Variants in HOOK3 observed in about 807,000 individuals in gnomAD.
HOOK3 encodes the protein hook microtubule tethering protein 3, also known as protein Hook homolog 3.
HOOK3 carries 24 observed loss-of-function variants against 116.3 expected under a neutral mutation model. The ratio of observed to expected loss-of-function variants is 0.21; its 90% CI spans 0.15 to 0.29. The LOEUF (loss-of-function observed/expected upper bound fraction) is 0.29, where lower values mean the gene tolerates loss of function less well. Among genes scored for constraint, HOOK3 ranks in the 10% least tolerant of loss-of-function variants. The pLI is 1.00. For missense variants in HOOK3, 632 were observed against 830.2 expected (o/e 0.76, Z 2.93); for synonymous variants, 275 against 283.0 (o/e 0.97, Z 0.28).
chr8:43,008,582 G>A (rs1809538910), intron 18 of HOOK3, among the ~76,000 whole-genome samples: 1 of 151,952 alleles, frequency 6.6e-6, no homozygotes, highest in African/African-American at 2.4e-5. Context: ...GTCTCCCAAA[G>A]TACTGGGATT....
intron 13 of HOOK3, among the ~76,000 whole-genome samples, chr8:42,974,466 T>G (rs1808783187): frequency 6.6e-6 from 1 of 152,094 alleles, no homozygotes. Context: ...CTGGAACTCC[T>G]GACCTCAGGT....
Position 42,931,256 on chromosome 8 carries a change from CTT to C in HOOK3, c.267+1086_267+1087del, listed in dbSNP as rs553865627. On this transcript the variant is annotated intron_variant, in intron 4 of 21. Transcript: ENST00000307602. Reference sequence around the variant, plus strand: ...ACTTTCTGTTACCTCCTTACAGAGACTTTCTCTGAGCATGTGCTGTCTCAGCC... The same window carrying C: ...ACTTTCTGTTACCTCCTTACAGAGACTCTCTGAGCATGTGCTGTCTCAGCC... 3.3e-5 allele frequency among the ~76,000 whole-genome samples: 5 copies of C among 152,216 alleles called. No homozygotes were observed. In the South Asian group the frequency reaches 1.0e-3, roughly 32 times the overall value.
At chr8:42,965,961 A>G (rs959974615) in intron 9 of HOOK3, among the ~76,000 whole-genome samples, 5 of 152,180 alleles carry the variant, frequency 3.3e-5, no homozygotes, top group African/African-American at 1.2e-4. Context: ...GCTTCAGCCA[A>G]AAAACAACAT....
chr8:42,967,439 C>T (rs1808651333), intron 10 of HOOK3, among the ~76,000 whole-genome samples: 1 of 152,198 alleles, frequency 6.6e-6, no homozygotes, highest in Non-Finnish European at 1.5e-5. Flanking sequence ...GTTATTCTTC[C>T]TCCTGTTCAG....
At chr8:42,964,940 G>C (rs78365952) in intron 9 of HOOK3, among the ~76,000 whole-genome samples, 1 of 152,160 alleles carries the variant, frequency 6.6e-6, no homozygotes, top group African/African-American at 2.4e-5. Flanking sequence ...ACTACTTCAC[G>C]TCTAGGAAGT....
chr8:43,013,017 A>G (rs377062234), intron 19 of HOOK3, 34 bp from the exon 20 acceptor site: 32 of 1,309,008 alleles, frequency 2.4e-5, no homozygotes, highest in Non-Finnish European at 2.8e-5. Flanking sequence ...TAAGTTTGAG[A>G]CTTTTTAAAT....
At position 43,026,528 on chromosome 8, in the gene HOOK3, T is replaced by C. The variant is rs962869351; in HGVS notation, c.*8030T>C. ...TTAAGAAGACTCTTTTATAATGTAA[T>C]ACTTAGAAGCCAAATCCTTTCAAAC... On this transcript the variant is annotated 3_prime_UTR_variant, in exon 22 of 22. Coordinates refer to ENST00000307602, the MANE Select transcript of HOOK3 (RefSeq NM_032410.4). 1 of 211,902 alleles carries C rather than the reference T, an allele frequency of 4.7e-6. No homozygotes were observed. The highest frequency in any genetic ancestry group is 9.6e-6 in the Non-Finnish European group (1 of 104,698). The allele number at this position is 211,902 out of a possible 1,614,324, so 13.1% of individuals were successfully genotyped here.
At chr8:42,986,433 A>G (rs1287087419) in intron 14 of HOOK3, among the ~76,000 whole-genome samples, 1 of 152,184 alleles carries the variant, frequency 6.6e-6, no homozygotes, top group African/African-American at 2.4e-5. Flanking sequence ...ACAAATCATG[A>G]TATTTAGAGA....
chr8:43,024,844 A>C lies in HOOK3; in HGVS notation c.*6346A>C, dbSNP rs1189361089. 2 of 207,094 alleles carry C rather than the reference A, an allele frequency of 9.7e-6. No individual in the cohort carries two copies. Among genetic ancestry groups the C allele is most frequent in the Non-Finnish European group, 2.0e-5 (2 of 101,474 alleles). The allele number at this position is 207,094 out of a possible 1,614,324, so 12.8% of individuals were successfully genotyped here. On this transcript the variant is annotated 3_prime_UTR_variant, in exon 22 of 22. Coordinates refer to ENST00000307602, the MANE Select transcript of HOOK3 (RefSeq NM_032410.4). Reference sequence around the variant, plus strand: ...TCCACCCAATCCCTCAAATTACCGAAGTATTAATATTTAGCTTCCTTTCTA... The same window carrying C: ...TCCACCCAATCCCTCAAATTACCGACGTATTAATATTTAGCTTCCTTTCTA...
At chr8:42,957,546 T>C (rs1242820031) in intron 7 of HOOK3, among the ~76,000 whole-genome samples, 1 of 152,180 alleles carries the variant, frequency 6.6e-6, no homozygotes, top group East Asian at 1.9e-4. Context: ...TGTCATTTTC[T>C]TGTAAAATGA....
At chr8:42,982,553 A>T in intron 13 of HOOK3, 74 bp from the exon 14 acceptor site, 1 of 985,976 alleles carries the variant, frequency 1.0e-6, no homozygotes, top group Non-Finnish European at 1.6e-6. Flanking sequence ...TTAATGCTCA[A>T]AGTAGGGTTT....
rs889672694 is a variant in HOOK3, at chr8:43,028,812, T to A, written c.*10314T>A. 1 of 198,694 alleles carries A rather than the reference T, an allele frequency of 5.0e-6. No homozygotes were observed. The highest frequency in any genetic ancestry group is 2.3e-5 in the African/African-American group (1 of 43,420). 12.3% of individuals were successfully genotyped at this position (198,694 alleles called of 1,614,324 possible). ...TAATCCTTTTGAGTCAGCTTGGTGC[T>A]TACAATTATTTTGTTAGGAAATCTT... On this transcript the variant is annotated 3_prime_UTR_variant, in exon 22 of 22. Coordinates refer to ENST00000307602, the MANE Select transcript of HOOK3 (RefSeq NM_032410.4).
chr8:43,000,254 C>T (rs1286086945), intron 16 of HOOK3: 5 of 1,284,504 alleles, frequency 3.9e-6, no homozygotes, highest in South Asian at 2.5e-5. Context: ...TGTCTCTTGG[C>T]ATGGTTTCTG....
chr8:42,922,546 G>C (rs1563291732), intron 2 of HOOK3, among the ~76,000 whole-genome samples: 1 of 151,904 alleles, frequency 6.6e-6, no homozygotes, highest in Non-Finnish European at 1.5e-5. Context: ...AACAGAGTGG[G>C]AACCTGTCTC....
chr8:43,004,366 CAAA>C (rs1385118465), intron 17 of HOOK3, among the ~76,000 whole-genome samples: 7 of 83,728 alleles, frequency 8.4e-5, no homozygotes, highest in Middle Eastern at 9.3e-3. Flanking sequence ...GACTCTGTCT[CAAA>C]AAAAAAAAAA....
At chr8:42,945,455 G>A (rs906755311) in intron 5 of HOOK3, among the ~76,000 whole-genome samples, 30 of 152,082 alleles carry the variant, frequency 2.0e-4, no homozygotes, top group Non-Finnish European at 3.7e-4. Context: ...GATTACAGAT[G>A]TGCACCACCA....
chr8:43,007,543 A>G (rs771071284), intron 17 of HOOK3, among the ~76,000 whole-genome samples: 2 of 152,170 alleles, frequency 1.3e-5, no homozygotes, highest in African/African-American at 2.4e-5. Context: ...TTTTTTTGCA[A>G]CAAGATTTTG....
intron 2 of HOOK3, among the ~76,000 whole-genome samples, chr8:42,916,511 A>G (rs1460293847): frequency 3.9e-5 from 6 of 152,212 alleles, no homozygotes; most frequent in African/African-American, 7.2e-5. Context: ...TTATCTGAGG[A>G]ATGAGTCCTT....
chr8:42,997,754 A>G lies in HOOK3; in HGVS notation c.1620+117A>G, dbSNP rs111411928. The stretch of plus-strand genomic sequence containing the variant: ...ATTTAGTATTATATTGGTTATAGAA[A>G]AGAAATAGTGTTTTCCTTTTTACTA... On this transcript the variant is annotated intron_variant, in intron 16 of 21. Coordinates refer to ENST00000307602, the MANE Select transcript of HOOK3 (RefSeq NM_032410.4). 4.3e-6 allele frequency: 3 copies of G among 695,082 alleles called. No individual in the cohort carries two copies. The Admixed American group carries it at 6.3e-5, about 15-fold the overall frequency. 43.1% of individuals were successfully genotyped at this position (695,082 alleles called of 1,614,324 possible).
Sources: allele counts gnomAD v4.1 joint callset (sites outside exome capture counted in the v4.1 genomes callset), GRCh38; gene constraint gnomAD v4.1.1; transcripts MANE v1.5; gene names NCBI Gene and HGNC (gene_info 2026-07-23, HGNC 2026-07-21).